Variants in WWC1 observed in about 807,000 individuals in gnomAD.
WWC1 encodes the protein WW and C2 domain containing 1.
A neutral mutation model predicts 138.4 loss-of-function variants in WWC1; 55 were observed. That is an observed-to-expected ratio of 0.40 (90% confidence interval 0.32 to 0.50). The LOEUF is 0.50. Ranked by LOEUF, WWC1 falls within the 20% of genes least tolerant of loss-of-function variation. WWC1 has a pLI of 0.72. For missense variants in WWC1, 1,226 were observed against 1,420.4 expected (o/e 0.86, Z 2.20); for synonymous variants, 524 against 564.9 (o/e 0.93, Z 1.03).
intron 2 of WWC1, among the ~76,000 whole-genome samples, chr5:168,375,138 A>G (rs1777068886): frequency 1.3e-5 from 2 of 152,116 alleles, no homozygotes; most frequent in South Asian, 4.1e-4. Context: ...TGGGCTGAAG[A>G]TAAGTATTTG....
Position 168,385,282 on chromosome 5 carries a change from G to T in WWC1, c.301G>T (p.Val101Leu), listed in dbSNP as rs1479572356. 9.9e-6 allele frequency: 16 copies of T among 1,613,982 alleles called. No homozygotes were observed. Among genetic ancestry groups the T allele is most frequent in the Non-Finnish European group, 1.1e-5 (13 of 1,180,030 alleles). Residue 101 changes from valine (V) to leucine (L), a missense_variant, in exon 3 of 23, where the codon GTG becomes TTG. Around this residue, in one of 3 missense-constraint regions of WWC1, gnomAD observed 1,016 missense variants for 1,153.9 expected, o/e 0.88. Transcript: ENST00000265293. The part of the protein sequence containing the change: ...EQEHMLKDYL[V>L]VAQEALSAQK... The stretch of plus-strand genomic sequence containing the variant: ...GGAACATATGCTGAAGGATTACCTG[G>T]TGGTGGCCCAGGAGGCTCTGAGTGC...
chr5:168,297,720 A>C (rs1248359799), intron 1 of WWC1, among the ~76,000 whole-genome samples: 1 of 152,012 alleles, frequency 6.6e-6, no homozygotes, highest in Admixed American at 6.5e-5. Flanking sequence ...GAGTCTAGTA[A>C]AAGTTTCTTT....
At chr5:168,399,686 A>C in intron 5 of WWC1, 119 bp downstream of exon 5, 1 of 991,616 alleles carries the variant, frequency 1.0e-6, no homozygotes, top group Non-Finnish European at 1.5e-6. Flanking sequence ...TGGCTCTCTC[A>C]TCATTCAATT....
intron 1 of WWC1, among the ~76,000 whole-genome samples, chr5:168,359,278 T>G (rs560792401): frequency 6.6e-5 from 10 of 152,286 alleles, no homozygotes; most frequent in Non-Finnish European, 8.8e-5. Flanking sequence ...AGTGTTGCAC[T>G]CCTGAGCTCA....
At chr5:168,357,491 T>TGCGC (rs1366963523) in intron 1 of WWC1, among the ~76,000 whole-genome samples, 2 of 69,870 alleles carry the variant, frequency 2.9e-5, no homozygotes, top group African/African-American at 1.3e-4. Context: ...TGTGTGTGTG[T>TGCGC]GTGCGCGCGC....
intron 11 of WWC1, among the ~76,000 whole-genome samples, chr5:168,425,658 A>ATT (rs201393086): frequency 0.034 from 5,069 of 146,940 alleles, 235 homozygotes; most frequent in East Asian, 0.15. Flanking sequence ...TGCCTGGCTA[A>ATT]TTTTTTTTTT....
At chr5:168,444,862 TAA>T (rs56691330) in intron 17 of WWC1, among the ~76,000 whole-genome samples, 7 of 144,780 alleles carry the variant, frequency 4.8e-5, no homozygotes, top group African/African-American at 7.6e-5. Flanking sequence ...TTTATTTTGC[TAA>T]AAAAAAAAAA....
intron 3 of WWC1, among the ~76,000 whole-genome samples, chr5:168,394,692 T>C (rs959371115): frequency 2.6e-5 from 4 of 152,104 alleles, no homozygotes; most frequent in Non-Finnish European, 5.9e-5. Flanking sequence ...CGCCACTGCA[T>C]TCCAGCCTGG....
intron 15 of WWC1, among the ~76,000 whole-genome samples, chr5:168,433,069 C>T (rs116383225): frequency 0.016 from 2,463 of 152,374 alleles, 85 homozygotes; most frequent in African/African-American, 0.056. Context: ...GGGGCTGTCA[C>T]CAGCCTTGCC....
chr5:168,417,624 C>T lies in WWC1; in HGVS notation c.1184+3034C>T, dbSNP rs532328548. On this transcript the variant is annotated intron_variant, in intron 9 of 22. Coordinates refer to ENST00000265293, the MANE Select transcript of WWC1 (RefSeq NM_015238.3). Reference sequence around the variant, plus strand: ...CCACTCAGAAGGCCTTCTGTTATTGCCTTCAACCCCATCTTTCAAAGGTCT... The same window carrying T: ...CCACTCAGAAGGCCTTCTGTTATTGTCTTCAACCCCATCTTTCAAAGGTCT... Among the ~76,000 whole-genome samples the T allele has an allele frequency of 3.9e-5, 6 of 152,314 alleles. No homozygotes were observed. In the East Asian group the frequency reaches 1.2e-3, roughly 29 times the overall value.
intron 17 of WWC1, among the ~76,000 whole-genome samples, chr5:168,449,108 G>A (rs942670477): frequency 1.3e-5 from 2 of 152,052 alleles, no homozygotes; most frequent in African/African-American, 2.4e-5. Context: ...CTTCCCACAG[G>A]GATATGCCTG....
intron 2 of WWC1, among the ~76,000 whole-genome samples, chr5:168,378,403 CT>C (rs932864199): frequency 1.6e-4 from 24 of 152,060 alleles, no homozygotes; most frequent in African/African-American, 5.3e-4. Flanking sequence ...CAGGTACCCC[CT>C]GAATCTAAAA....
At chr5:168,412,110 A>C in intron 8 of WWC1, 2 of 985,440 alleles carry the variant, frequency 2.0e-6, no homozygotes, top group African/African-American at 1.7e-5. Flanking sequence ...TCCATCCTGC[A>C]GGAATGCCTG....
chr5:168,352,223 G>A (rs1775024250), intron 1 of WWC1, among the ~76,000 whole-genome samples: 1 of 152,140 alleles, frequency 6.6e-6, no homozygotes, highest in African/African-American at 2.4e-5. Context: ...GTCATCATCT[G>A]AAAAATGGGA....
intron 15 of WWC1, among the ~76,000 whole-genome samples, chr5:168,437,463 T>A (rs918563603): frequency 6.6e-6 from 1 of 152,206 alleles, no homozygotes; most frequent in East Asian, 1.9e-4. Flanking sequence ...AATGATGGCA[T>A]CTTAGATTCG....
chr5:168,387,962 A>C (rs1778170203), intron 3 of WWC1, among the ~76,000 whole-genome samples: 1 of 152,212 alleles, frequency 6.6e-6, no homozygotes. Flanking sequence ...AGGTGTATAT[A>C]AAAACAAAAA....
At chr5:168,414,693 C>G in intron 9 of WWC1, 103 bp downstream of exon 9, 1 of 1,414,722 alleles carries the variant, frequency 7.1e-7, no homozygotes, top group East Asian at 2.5e-5. Flanking sequence ...CCCCTGGGCT[C>G]CACCCTGAGC....
rs1756401307 is a variant in WWC1 at position 168,457,135 on chromosome 5, A to C, written c.2823+1615A>C. Among the ~76,000 whole-genome samples the C allele has an allele frequency of 2.3e-5, 3 of 128,360 alleles. No homozygotes were observed. The Admixed American group carries it at 2.7e-4, about 12-fold the overall frequency. The allele number at this position is 128,360 out of a possible 152,430, so 84.2% of individuals were successfully genotyped here. On this transcript the variant is annotated intron_variant, in intron 19 of 22. Coordinates refer to ENST00000265293, the MANE Select transcript of WWC1 (RefSeq NM_015238.3). Reference sequence around the variant, plus strand: ...CGGAGATCACACTCCACAGGTAGAAAGGGCATTTTTTTTTTTTTTTTTTTT... The same window carrying C: ...CGGAGATCACACTCCACAGGTAGAACGGGCATTTTTTTTTTTTTTTTTTTT...
chr5:168,412,061 G>A, intron 8 of WWC1: 1 of 985,456 alleles, frequency 1.0e-6, no homozygotes, highest in Non-Finnish European at 1.2e-6. Context: ...GCCACTTCTT[G>A]TTCTCTCTGA....
Sources: allele counts gnomAD v4.1 joint callset (sites outside exome capture counted in the v4.1 genomes callset), GRCh38; gene constraint gnomAD v4.1.1; regional missense constraint gnomAD v4.1.1; transcripts MANE v1.5; gene names NCBI Gene and HGNC (gene_info 2026-07-23, HGNC 2026-07-21).